NIBAN1: variants seen among roughly 807,000 people sequenced by gnomAD.
NIBAN1 encodes the protein protein Niban 1.
A neutral mutation model predicts 75.1 loss-of-function variants in NIBAN1; 81 were observed. The observed-to-expected ratio is 1.08, with a 90% CI of 0.90 to 1.30. The LOEUF is 1.30. Among genes scored for constraint, NIBAN1 ranks in the 50% most tolerant of loss-of-function variants. The probability of loss-of-function intolerance (pLI) is 0.00; values close to 1 mark genes in which losing one functional copy is unlikely to be tolerated. For synonymous variants in NIBAN1, 436 were observed against 424.8 expected, an observed-to-expected ratio of 1.03 and a Z score of -0.32; for missense variants, 1,133 against 1,128.1, an observed-to-expected ratio of 1.00 and a Z score of -0.06.
chr1:184,939,553 G>A (rs1245835738), intron 1 of NIBAN1, among the ~76,000 whole-genome samples: 7 of 152,210 alleles, frequency 4.6e-5, no homozygotes, highest in South Asian at 2.1e-4. Context: ...AGCCCATTCC[G>A]GACACATTTT....
intron 1 of NIBAN1, 96 bp downstream of exon 1, chr1:184,974,206 G>A (rs370584967): frequency 7.9e-7 from 1 of 1,259,822 alleles, no homozygotes; most frequent in African/African-American, 1.6e-5. Context: ...GCTACAGGGA[G>A]AGGGCCCGGG....
chr1:184,942,692 T>TGA (rs1423256790), intron 1 of NIBAN1, among the ~76,000 whole-genome samples: 1 of 65,874 alleles, frequency 1.5e-5, no homozygotes, highest in African/African-American at 8.2e-5. Flanking sequence ...AGACTCCGTC[T>TGA]CAAAAAAAAA....
chr1:184,955,386 G>C (rs1658463529), intron 1 of NIBAN1, among the ~76,000 whole-genome samples: 1 of 48,186 alleles, frequency 2.1e-5, no homozygotes, highest in Non-Finnish European at 5.4e-5. Context: ...TTTTGAGATG[G>C]AGACTTGCTC....
intron 1 of NIBAN1, among the ~76,000 whole-genome samples, chr1:184,971,312 C>T (rs1183914933): frequency 6.6e-6 from 1 of 151,750 alleles, no homozygotes; most frequent in Non-Finnish European, 1.5e-5. Flanking sequence ...GAAAACATGG[C>T]ATAAAGAGAG....
At position 184,795,651 on chromosome 1, in the gene NIBAN1, C is replaced by G; in HGVS notation, c.2113G>C (p.Ala705Pro). The change falls in exon 14 of 14, where the codon GCC (alanine) becomes CCC (proline). Residue 705 changes from alanine to proline, a missense_variant. Physicochemically the swap from Ala to Pro is conservative, Grantham distance 27 (BLOSUM62 -1). Coordinates refer to ENST00000367511, the MANE Select transcript of NIBAN1 (RefSeq NM_052966.4). ...PAQEEPEPIT[A>P]SGSLKALRKL... ...CTGAGCGCCTTCAAAGAACCCGAGG[C>G]AGTGATGGGTTCTGGCTCTTCCTGG... is the stretch of plus-strand genomic sequence containing the variant. The G allele has an allele frequency of 6.2e-7, 1 of 1,614,210 alleles. No individual in the cohort carries two copies. The highest frequency in any genetic ancestry group is 2.2e-5 in the East Asian group (1 of 44,880).
intron 1 of NIBAN1, among the ~76,000 whole-genome samples, chr1:184,921,892 TAATTGTATAATAATATCAATAATACC>T (rs1657565013): frequency 6.6e-6 from 1 of 152,232 alleles, no homozygotes; most frequent in Admixed American, 6.5e-5. Flanking sequence ...AAAGAAGCAG[TAATTGTATAATAATATCAATAATACC>T]AATTGGGGCT....
At chr1:184,923,911 G>A (rs1657620457) in intron 1 of NIBAN1, among the ~76,000 whole-genome samples, 1 of 149,102 alleles carries the variant, frequency 6.7e-6, no homozygotes, top group Non-Finnish European at 1.5e-5. Flanking sequence ...TTTGTATATT[G>A]ATTTTGTATC....
chr1:184,922,710 G>A (rs1657590360), intron 1 of NIBAN1, among the ~76,000 whole-genome samples: 1 of 152,156 alleles, frequency 6.6e-6, no homozygotes, highest in South Asian at 2.1e-4. Context: ...AGGTTCAAGT[G>A]ATTCTCCTGC....
At chr1:184,973,315 T>C (rs1658985064) in intron 1 of NIBAN1, among the ~76,000 whole-genome samples, 1 of 152,136 alleles carries the variant, frequency 6.6e-6, no homozygotes. Context: ...TGAAAACAAA[T>C]GTGGAATAAG....
intron 5 of NIBAN1, among the ~76,000 whole-genome samples, chr1:184,843,314 T>C (rs909746711): frequency 2.0e-5 from 3 of 152,212 alleles, no homozygotes; most frequent in Non-Finnish European, 4.4e-5. Context: ...TTGTCTGTGA[T>C]AGCTTTCTTT....
At chr1:184,964,830 G>A (rs1161003419) in intron 1 of NIBAN1, among the ~76,000 whole-genome samples, 1 of 152,136 alleles carries the variant, frequency 6.6e-6, no homozygotes, top group Non-Finnish European at 1.5e-5. Flanking sequence ...AATATATGTT[G>A]CCTTTATTAT....
intron 1 of NIBAN1, among the ~76,000 whole-genome samples, chr1:184,920,471 T>C (rs1657500602): frequency 6.6e-6 from 1 of 152,168 alleles, no homozygotes; most frequent in African/African-American, 2.4e-5. Flanking sequence ...TACAGTGCTA[T>C]AGAACACCAG....
At chr1:184,797,673 G>A (rs1438819146) in intron 13 of NIBAN1, among the ~76,000 whole-genome samples, 1 of 152,076 alleles carries the variant, frequency 6.6e-6, no homozygotes, top group Non-Finnish European at 1.5e-5. Context: ...TGGGGGGCAG[G>A]GGCAGTTACA....
chr1:184,879,323 C>A (rs1656315327), intron 5 of NIBAN1, among the ~76,000 whole-genome samples: 1 of 152,050 alleles, frequency 6.6e-6, no homozygotes, highest in Admixed American at 6.5e-5. Context: ...TACTAAAGTG[C>A]CCAAAGGAGC....
intron 1 of NIBAN1, among the ~76,000 whole-genome samples, chr1:184,951,472 T>G (rs1178194233): frequency 6.6e-6 from 1 of 152,222 alleles, no homozygotes; most frequent in Non-Finnish European, 1.5e-5. Context: ...AACTCCATTC[T>G]TTCTTTTGTT....
chr1:184,798,245 T>G, intron 12 of NIBAN1, 55 bp from the exon 13 acceptor site: 1 of 1,120,372 alleles, frequency 8.9e-7, no homozygotes, highest in South Asian at 1.4e-5. Context: ...TGCCTGTTCT[T>G]AGAGGAGATA....
chr1:184,834,371 C>A (rs1219600558), intron 5 of NIBAN1, among the ~76,000 whole-genome samples: 1 of 152,142 alleles, frequency 6.6e-6, no homozygotes, highest in African/African-American at 2.4e-5. Flanking sequence ...TGGGTATATA[C>A]CCAGTAATGG....
intron 5 of NIBAN1, among the ~76,000 whole-genome samples, chr1:184,839,564 T>C (rs915078916): frequency 1.3e-5 from 2 of 150,662 alleles, no homozygotes; most frequent in African/African-American, 2.5e-5. Flanking sequence ...TGTGTGTGTG[T>C]GCACGCGCGC....
At chr1:184,890,877 C>A (rs1037133492) in intron 3 of NIBAN1, among the ~76,000 whole-genome samples, 1 of 152,160 alleles carries the variant, frequency 6.6e-6, no homozygotes, top group Non-Finnish European at 1.5e-5. Flanking sequence ...ATTGCCAAAG[C>A]AGTTTGGTAA....
Sources: gnomAD v4.1 joint callset for allele counts (sites outside exome capture counted in the v4.1 genomes callset) on GRCh38, gnomAD v4.1.1 for gene constraint, MANE v1.5 for transcripts, NCBI Gene and HGNC (gene_info 2026-07-23, HGNC 2026-07-21) for gene names.